The following CD160 variants were observed in gnomAD, a reference collection of about 807,000 sequenced individuals.
The protein encoded by CD160 is CD160 antigen.
In CD160, 11 loss-of-function variants were observed where a neutral mutation model predicts 19.2. That is an observed-to-expected ratio of 0.57 (90% CI 0.36 to 0.95). CD160 has a LOEUF of 0.95. Ranked by LOEUF, CD160 falls within the 40% of genes least tolerant of loss-of-function variation. The pLI, the probability that CD160 is intolerant of heterozygous loss-of-function variation, is 0.01. For missense variants in CD160, 182 were observed against 213.2 expected, an observed-to-expected ratio of 0.85 and a Z score of 0.91; for synonymous variants, 75 against 81.1, an observed-to-expected ratio of 0.93 and a Z score of 0.40.
Position 145,738,755 on chromosome 1 carries a change from G to GT in CD160, c.*263dup, listed in dbSNP as rs1264982203. The GT allele has an allele frequency of 3.0e-6, 1 of 336,888 alleles. No homozygotes were observed. The highest frequency in any genetic ancestry group is 4.8e-5 in the Admixed American group (1 of 20,856). 20.9% of individuals were successfully genotyped at this position (336,888 alleles called of 1,614,324 possible). A position where few individuals can be genotyped will look rare whatever the true frequency, so the allele number is the denominator to read the frequency against. ...AACAGAACAGCTTTCACCAAAGTGG[G>GT]TAGTATAGTCCTCAAATATCGGATA... On this transcript the variant is annotated 3_prime_UTR_variant, in exon 6 of 6. Coordinates refer to ENST00000369288, the MANE Select transcript of CD160 (RefSeq NM_007053.4).
At position 145,738,575 on chromosome 1, in the gene CD160, G is replaced by A. The variant is rs1657589481; in HGVS notation, c.*82G>A. The A allele has an allele frequency of 2.2e-6, 2 of 894,778 alleles. No individual in the cohort carries two copies. Among genetic ancestry groups the A allele is most frequent in the African/African-American group, 1.7e-5 (1 of 58,192 alleles). 55.4% of individuals were successfully genotyped at this position (894,778 alleles called of 1,614,324 possible). A position where few individuals can be genotyped will look rare whatever the true frequency, so the allele number is the denominator to read the frequency against. On this transcript the variant is annotated 3_prime_UTR_variant, in exon 6 of 6. Coordinates refer to ENST00000369288, the MANE Select transcript of CD160 (RefSeq NM_007053.4). Reference sequence around the variant, plus strand: ...CTTAGTATCTTTCTCATTACAATAGGCACAGAGAAGAATGCAACAGGGCAC... The same window carrying A: ...CTTAGTATCTTTCTCATTACAATAGACACAGAGAAGAATGCAACAGGGCAC...
chr1:145,729,965 C>T (rs932576250), intron 3 of CD160, among the ~76,000 whole-genome samples: 20 of 152,180 alleles, frequency 1.3e-4, no homozygotes, highest in Admixed American at 1.1e-3. Context: ...TAAGATTCCT[C>T]AATTATAATA....
chr1:145,726,419 A>G (rs1233382586), intron 2 of CD160, among the ~76,000 whole-genome samples: 2 of 152,244 alleles, frequency 1.3e-5, no homozygotes, highest in African/African-American at 2.4e-5. Flanking sequence ...GGATGAGTTC[A>G]TGTCCTTTGC....
Position 145,739,122 on chromosome 1 carries a change from A to G in CD160, c.*629A>G, listed in dbSNP as rs1657614486. 1 of 152,310 alleles carries G rather than the reference A, an allele frequency of 6.6e-6. No individual in the cohort carries two copies. Among genetic ancestry groups the G allele is most frequent in the Non-Finnish European group, 1.5e-5 (1 of 68,070 alleles). 9.4% of individuals were successfully genotyped at this position (152,310 alleles called of 1,614,324 possible). ...TAAATACTTGTTAACCTCTTTGGTC[A>G]TTTCTCTTTTTAAATAAATGCCCAT... is the stretch of plus-strand genomic sequence containing the variant. On this transcript the variant is annotated 3_prime_UTR_variant, in exon 6 of 6. Coordinates refer to ENST00000369288, the MANE Select transcript of CD160 (RefSeq NM_007053.4).
chr1:145,722,176 T>C (rs1656876128), intron 1 of CD160, among the ~76,000 whole-genome samples: 1 of 152,212 alleles, frequency 6.6e-6, no homozygotes, highest in African/African-American at 2.4e-5. Flanking sequence ...TTGATTCCAA[T>C]ATAAGAAAGC....
chr1:145,734,093 T>C (rs191905832), intron 4 of CD160, among the ~76,000 whole-genome samples: 1 of 152,330 alleles, frequency 6.6e-6, no homozygotes, highest in Admixed American at 6.5e-5. Flanking sequence ...TAAGTACTGC[T>C]GTTCTTCCGC....
chr1:145,736,704 TG>T (rs1293144170), intron 5 of CD160: 1 of 160,974 alleles, frequency 6.2e-6, no homozygotes, highest in Non-Finnish European at 1.4e-5. Context: ...TGCCTGGCCT[TG>T]GCATTCTTAA....
chr1:145,730,581 C>G (rs1345681384), intron 3 of CD160, among the ~76,000 whole-genome samples, 163 bp from the exon 4 acceptor site: 2 of 152,194 alleles, frequency 1.3e-5, no homozygotes, highest in Non-Finnish European at 2.9e-5. Context: ...CTTACAGTCA[C>G]ACAGCCATCG....
chr1:145,729,419 A>G (rs1158983497), intron 3 of CD160, among the ~76,000 whole-genome samples: 1 of 152,204 alleles, frequency 6.6e-6, no homozygotes, highest in Admixed American at 6.6e-5. Context: ...ATGAGTTTTC[A>G]GCAGAGAGCT....
At chr1:145,722,941 C>G (rs1656913224) in intron 1 of CD160, among the ~76,000 whole-genome samples, 1 of 152,182 alleles carries the variant, frequency 6.6e-6, no homozygotes, top group Non-Finnish European at 1.5e-5. Flanking sequence ...CACTCTGGCT[C>G]TAGAGTCTAC....
chr1:145,728,815 C>A (rs926576306), intron 3 of CD160, among the ~76,000 whole-genome samples: 11 of 152,078 alleles, frequency 7.2e-5, no homozygotes, highest in Non-Finnish European at 1.6e-4. Flanking sequence ...TTGTCTTTTT[C>A]TTTTTCATTA....
intron 1 of CD160, among the ~76,000 whole-genome samples, chr1:145,721,372 T>G (rs1553707772): frequency 6.6e-6 from 1 of 152,136 alleles, no homozygotes; most frequent in Non-Finnish European, 1.5e-5. Context: ...GGCTCCGCGC[T>G]GCCCCGCCTG....
Position 145,730,804 on chromosome 1 carries a change from C to T in CD160, c.134C>T (p.Thr45Ile), listed in dbSNP as rs143929841. The change falls in exon 4 of 6, where the codon ACT (threonine) becomes ATT (isoleucine). Residue 45 changes from threonine (T) to isoleucine (I), a missense_variant. By Grantham distance (89) the Thr-to-Ile change is moderately conservative. Coordinates refer to ENST00000369288, the MANE Select transcript of CD160 (RefSeq NM_007053.4). ...GGAACGCGACTAAACTTAATCTGTA[C>T]TGTATGGCATAAGAAAGAAGAGGCT... ...QEGTRLNLIC[T>I]VWHKKEEAEG... 9.2e-5 allele frequency: 149 copies of T among 1,614,052 alleles called. 1 individual carries two copies. In the South Asian group the frequency reaches 1.2e-3, roughly 13 times the overall value.
intron 1 of CD160, among the ~76,000 whole-genome samples, chr1:145,724,083 A>G (rs1198833493): frequency 6.6e-6 from 1 of 152,154 alleles, no homozygotes; most frequent in Non-Finnish European, 1.5e-5. Context: ...GATTGCACAT[A>G]TTTCTTCTTA....
chr1:145,725,766 A>G (rs782144160), intron 2 of CD160, among the ~76,000 whole-genome samples: 14 of 152,148 alleles, frequency 9.2e-5, no homozygotes, highest in Non-Finnish European at 1.6e-4. Context: ...TAGAAAAAAG[A>G]CAGAGATTCA....
chr1:145,724,228 C>T (rs1322269754), intron 1 of CD160, among the ~76,000 whole-genome samples: 4 of 152,074 alleles, frequency 2.6e-5, no homozygotes, highest in Admixed American at 6.5e-5. Flanking sequence ...TATTGCATTT[C>T]GTCTTTTGTG....
intron 1 of CD160, among the ~76,000 whole-genome samples, chr1:145,721,731 C>T (rs1656857476): frequency 6.6e-6 from 1 of 152,092 alleles, no homozygotes; most frequent in African/African-American, 2.4e-5. Context: ...TCTCCTCAGC[C>T]CATTCCCCAC....
intron 4 of CD160, among the ~76,000 whole-genome samples, chr1:145,731,878 A>T (rs782495238): frequency 9.2e-5 from 14 of 152,178 alleles, no homozygotes; most frequent in Non-Finnish European, 1.0e-4. Flanking sequence ...AGGAAAAAAT[A>T]AAAAAGTACA....
intron 5 of CD160, chr1:145,737,599 A>G (rs1657547426): frequency 1.3e-5 from 2 of 152,198 alleles, no homozygotes; most frequent in Non-Finnish European, 1.5e-5. Context: ...ACCTTTAGAC[A>G]TAATTTTTTG....
Sources: gnomAD v4.1 joint callset for allele counts (sites outside exome capture counted in the v4.1 genomes callset) on GRCh38, gnomAD v4.1.1 for gene constraint, MANE v1.5 for transcripts, NCBI Gene and HGNC (gene_info 2026-07-23, HGNC 2026-07-21) for gene names.